The following RBFOX1 variants were observed in gnomAD, a reference collection of about 807,000 sequenced individuals.
RBFOX1 encodes RNA binding fox-1 homolog 1, also known as RNA binding protein fox-1 homolog 1.
A neutral mutation model predicts 57.7 loss-of-function variants in RBFOX1; 8 were observed. The observed-to-expected ratio is 0.14, with a 90% confidence interval of 0.08 to 0.25. The LOEUF (loss-of-function observed/expected upper bound fraction) is 0.25. Ranked by LOEUF, RBFOX1 falls within the 10% of genes least tolerant of loss-of-function variation. The pLI is 1.00. For synonymous variants in RBFOX1, 326 were observed against 222.4 expected, an observed-to-expected ratio of 1.47 and a Z score of -4.15; for missense variants, 611 against 548.5, an observed-to-expected ratio of 1.11 and a Z score of -1.14.
At chr16:7,460,884 T>G (rs2059459465) in intron 4 of RBFOX1, among the ~76,000 whole-genome samples, 2 of 152,176 alleles carry the variant, frequency 1.3e-5, no homozygotes. Flanking sequence ...TTCTGCAAGT[T>G]TTACAAGTTC....
At chr16:5,978,027 G>A (rs563629618) in intron 4 of RBFOX1, among the ~76,000 whole-genome samples, 15 of 147,958 alleles carry the variant, frequency 1.0e-4, no homozygotes, top group Admixed American at 2.8e-4. Flanking sequence ...ATAGCACCGC[G>A]CCCCCAGTTT....
rs934330353 is a variant in RBFOX1, at chr16:6,019,378, T to C, written c.-741T>C. On this transcript the variant is annotated 5_prime_UTR_variant, in exon 1 of 16. Transcript: ENST00000550418. The surrounding 1 kb of genome is among the most constrained non-coding windows in gnomAD (Gnocchi z 4.2). ...GTCGGTGGGACTGGCTGCGCTGCCCTGAAGTGGTTCTCCAAGCAGCGCGGA... is the reference window on the plus strand; with the variant it reads ...GTCGGTGGGACTGGCTGCGCTGCCCCGAAGTGGTTCTCCAAGCAGCGCGGA... 5.1e-6 allele frequency: 5 copies of C among 985,284 alleles called. No homozygotes were observed. The highest frequency in any genetic ancestry group is 6.2e-5 in the Admixed American group (1 of 16,254). The allele number at this position is 985,284 out of a possible 1,614,324, so 61.0% of individuals were successfully genotyped here.
At chr16:7,061,882 A>T (rs2054403271) in intron 4 of RBFOX1, among the ~76,000 whole-genome samples, 1 of 152,190 alleles carries the variant, frequency 6.6e-6, no homozygotes, top group Non-Finnish European at 1.5e-5. Context: ...GGCAAGGGAA[A>T]TAGGGCAGGA....
At chr16:7,492,554 C>G (rs912126791) in intron 4 of RBFOX1, among the ~76,000 whole-genome samples, 10 of 152,128 alleles carry the variant, frequency 6.6e-5, no homozygotes, top group Non-Finnish European at 1.2e-4. Context: ...AATTAAAATT[C>G]AGTTTCTTAG....
chr16:6,562,524 A>C (rs180675356), intron 2 of RBFOX1, among the ~76,000 whole-genome samples: 1 of 152,344 alleles, frequency 6.6e-6, no homozygotes, highest in East Asian at 1.9e-4. Context: ...CAGGTTTCCA[A>C]GTATTTAGTT....
Position 5,486,827 on chromosome 16 carries a change from C to T in RBFOX1, c.258+19573C>T, listed in dbSNP as rs570125065. Among the ~76,000 whole-genome samples, 10 of 151,770 alleles carry T rather than the reference C, an allele frequency of 6.6e-5. No homozygotes were observed. In the East Asian group the frequency reaches 1.9e-3, roughly 29 times the overall value. On this transcript the variant is annotated intron_variant, in intron 2 of 2. Transcript: ENST00000585867. ...TTTTAACTTAAATTTTTCTTTAATACCTTGCTGGAGATTTAAGAATAAAAC... is the reference window on the plus strand; with the variant it reads ...TTTTAACTTAAATTTTTCTTTAATATCTTGCTGGAGATTTAAGAATAAAAC...
chr16:5,517,622 T>C (rs960716053), intron 2 of RBFOX1, among the ~76,000 whole-genome samples: 1 of 152,156 alleles, frequency 6.6e-6, no homozygotes, highest in Admixed American at 6.5e-5. Flanking sequence ...AGATGTGTGA[T>C]TGAGGAAATA....
intron 10 of RBFOX1, among the ~76,000 whole-genome samples, chr16:7,619,880 G>A (rs2141972547): frequency 6.6e-6 from 1 of 152,298 alleles, no homozygotes; most frequent in Non-Finnish European, 1.5e-5. Context: ...ATAGCAAGTA[G>A]TGGCTTCTCA....
At chr16:7,566,616 G>C (rs867039643) in intron 5 of RBFOX1, among the ~76,000 whole-genome samples, 1 of 152,140 alleles carries the variant, frequency 6.6e-6, no homozygotes, top group African/African-American at 2.4e-5. Flanking sequence ...GAAAACACCA[G>C]TGAGATGCTT....
At chr16:5,346,021 C>T (rs1182113667) in intron 1 of RBFOX1, among the ~76,000 whole-genome samples, 1 of 152,222 alleles carries the variant, frequency 6.6e-6, no homozygotes. Flanking sequence ...TCAACAATCC[C>T]TTTCAGTATC....
chr16:7,350,215 A>G (rs1023364669), intron 4 of RBFOX1, among the ~76,000 whole-genome samples: 1 of 152,190 alleles, frequency 6.6e-6, no homozygotes, highest in African/African-American at 2.4e-5. Context: ...TGAAACAGGA[A>G]TTAGAGCTCA....
At chr16:5,355,907 A>G (rs1472460045) in intron 1 of RBFOX1, among the ~76,000 whole-genome samples, 2 of 152,172 alleles carry the variant, frequency 1.3e-5, no homozygotes, top group Admixed American at 6.5e-5. Context: ...CCTGGCCAAC[A>G]TGGCTAAACC....
intron 4 of RBFOX1, among the ~76,000 whole-genome samples, chr16:7,119,061 A>G (rs2066534709): frequency 6.6e-6 from 1 of 152,106 alleles, no homozygotes; most frequent in Non-Finnish European, 1.5e-5. Flanking sequence ...GCATTTTGTA[A>G]CTGAATAAAA....
At position 5,840,588 on chromosome 16, in the gene RBFOX1, G is replaced by C. The variant is rs183920775; in HGVS notation, c.319-26715G>C. On this transcript the variant is annotated intron_variant, in intron 3 of 19. Coordinates refer to the RBFOX1 transcript ENST00000641259. ...AGCTCTACAAGAAGAGGCTTAAATG[G>C]GGGAAGGAGTTGCTGGGATGAGAGT... is the stretch of plus-strand genomic sequence containing the variant. Among the ~76,000 whole-genome samples, 261 of 152,296 alleles carry C rather than the reference G, an allele frequency of 1.7e-3. 2 individuals carry two copies. Among genetic ancestry groups the C allele is most frequent in the East Asian group, 0.011 (55 of 5,186 alleles).
chr16:6,842,356 T>C (rs982520809), intron 3 of RBFOX1, among the ~76,000 whole-genome samples: 1 of 152,076 alleles, frequency 6.6e-6, no homozygotes, highest in Non-Finnish European at 1.5e-5. Context: ...AGACAAATAC[T>C]TTGTGCACAT....
chr16:5,987,071 A>G (rs2152315793), intron 4 of RBFOX1, among the ~76,000 whole-genome samples: 1 of 152,256 alleles, frequency 6.6e-6, no homozygotes, highest in South Asian at 2.1e-4. Flanking sequence ...TGCTATTCTT[A>G]CAGGTTGTAG....
In RBFOX1 at chr16:7,623,286, G is replaced by C. The variant is rs139415879; in HGVS notation, c.677-7317G>C. On this transcript the variant is annotated intron_variant, in intron 10 of 15. Coordinates refer to ENST00000550418, the MANE Select transcript of RBFOX1 (RefSeq NM_018723.4). Reference sequence around the variant, plus strand: ...CAGGGATGGTTTCAGGATGATTCCAGTGCATTTCTTGTGTACCTTATTTCT... The same window carrying C: ...CAGGGATGGTTTCAGGATGATTCCACTGCATTTCTTGTGTACCTTATTTCT... 1.9e-3 allele frequency among the ~76,000 whole-genome samples: 286 copies of C among 152,266 alleles called. 1 individual carries two copies. The highest frequency in any genetic ancestry group is 6.6e-3 in the African/African-American group (273 of 41,562).
chr16:6,105,978 AC>A (rs1422807506), intron 1 of RBFOX1, among the ~76,000 whole-genome samples: 1 of 151,990 alleles, frequency 6.6e-6, no homozygotes, highest in African/African-American at 2.4e-5. Context: ...CCAGCTCTTT[AC>A]ACTAATATTG....
At chr16:7,457,375 C>A (rs2150397750) in intron 4 of RBFOX1, among the ~76,000 whole-genome samples, 1 of 152,304 alleles carries the variant, frequency 6.6e-6, no homozygotes, top group East Asian at 1.9e-4. Flanking sequence ...ACAGTTTTAA[C>A]ATTAGATTTT....
Sources: gnomAD v4.1 joint callset for allele counts (sites outside exome capture counted in the v4.1 genomes callset) on GRCh38, gnomAD v4.1.1 for gene constraint, Gnocchi (gnomAD v3.1) non-coding constraint, MANE v1.5 for transcripts, NCBI Gene and HGNC (gene_info 2026-07-23, HGNC 2026-07-21) for gene names.